ANKH: variants seen among roughly 807,000 people sequenced by gnomAD.
ANKH encodes the protein mineralization regulator ANKH.
A neutral mutation model predicts 49.0 loss-of-function variants in ANKH; 15 were observed. The observed-to-expected ratio is 0.31, with a 90% CI of 0.20 to 0.47. The LOEUF is 0.47. Among genes scored for constraint, ANKH ranks in the 20% least tolerant of loss-of-function variants. The probability of loss-of-function intolerance (pLI) is 1.00; values close to 1 mark genes in which losing one functional copy is unlikely to be tolerated. For synonymous variants in ANKH, 273 were observed against 260.0 expected, an observed-to-expected ratio of 1.05 and a Z score of -0.48; for missense variants, 429 against 652.0, an observed-to-expected ratio of 0.66 and a Z score of 3.72.
intron 2 of ANKH, among the ~76,000 whole-genome samples, chr5:14,766,397 A>G (rs895513979): frequency 5.9e-5 from 9 of 152,150 alleles, no homozygotes; most frequent in Non-Finnish European, 1.0e-4. Flanking sequence ...CTCTGTCTCA[A>G]AAACAAACAA....
chr5:14,760,194 A>T (rs964013278), intron 2 of ANKH, among the ~76,000 whole-genome samples: 1 of 152,190 alleles, frequency 6.6e-6, no homozygotes, highest in African/African-American at 2.4e-5. Context: ...GGCACCAAGA[A>T]GAGAAATCCA....
intron 1 of ANKH, among the ~76,000 whole-genome samples, chr5:14,808,701 T>C (rs1271046206): frequency 1.3e-5 from 2 of 149,770 alleles, no homozygotes; most frequent in African/African-American, 4.9e-5. Context: ...CTGGAGAGGA[T>C]GTGGAGAAAT....
chr5:14,747,743 A>G (rs1022397943), intron 6 of ANKH, among the ~76,000 whole-genome samples: 4 of 152,216 alleles, frequency 2.6e-5, no homozygotes, highest in Non-Finnish European at 5.9e-5. Flanking sequence ...AGGTTCCAGG[A>G]ACATGAGGCA....
chr5:14,735,485 A>T (rs1480211550), intron 8 of ANKH, among the ~76,000 whole-genome samples: 1 of 152,228 alleles, frequency 6.6e-6, no homozygotes, highest in Admixed American at 6.5e-5. Context: ...CCTTCCTTTC[A>T]GAAATCATAG....
At chr5:14,855,569 A>C (rs1043283655) in intron 1 of ANKH, among the ~76,000 whole-genome samples, 1 of 152,152 alleles carries the variant, frequency 6.6e-6, no homozygotes, top group African/African-American at 2.4e-5. Context: ...GTGTCAAAAC[A>C]CCATGGTGTG....
At chr5:14,738,851 T>C (rs1024481656) in intron 8 of ANKH, among the ~76,000 whole-genome samples, 5 of 152,172 alleles carry the variant, frequency 3.3e-5, no homozygotes, top group African/African-American at 7.2e-5. Flanking sequence ...AATGAGAAGA[T>C]TGCCATTCAC....
At chr5:14,807,313 C>T (rs1339796227) in intron 1 of ANKH, among the ~76,000 whole-genome samples, 1 of 152,054 alleles carries the variant, frequency 6.6e-6, no homozygotes, top group East Asian at 1.9e-4. Context: ...GGGGGTTTCA[C>T]CACGTTGGCC....
chr5:14,798,856 C>A (rs1740475577), intron 1 of ANKH, among the ~76,000 whole-genome samples: 1 of 152,124 alleles, frequency 6.6e-6, no homozygotes, highest in Non-Finnish European at 1.5e-5. Flanking sequence ...CAATTAATAA[C>A]CCTACAATGG....
chr5:14,709,467 G>A lies in ANKH; in HGVS notation c.*1730C>T, dbSNP rs1289491984. 1 of 152,174 alleles carries A rather than the reference G, an allele frequency of 6.6e-6. No individual in the cohort carries two copies. Among genetic ancestry groups the A allele is most frequent in the African/African-American group, 2.4e-5 (1 of 41,422 alleles). The allele number at this position is 152,174 out of a possible 1,614,324, so 9.4% of individuals were successfully genotyped here. On this transcript the variant is annotated 3_prime_UTR_variant, in exon 12 of 12. Coordinates refer to ENST00000284268, the MANE Select transcript of ANKH (RefSeq NM_054027.6). ...ACGTGGGCACACCCCATCAGCACTG[G>A]GTACCCAGGAATGTGAATGCAACCC... is the stretch of plus-strand genomic sequence containing the variant.
chr5:14,755,802 G>A lies in ANKH; in HGVS notation c.516+59C>T, dbSNP rs907712520. 2.0e-6 allele frequency: 3 copies of A among 1,495,616 alleles called. No individual in the cohort carries two copies. In the African/African-American group the frequency reaches 4.1e-5, roughly 21 times the overall value. 92.6% of individuals were successfully genotyped at this position (1,495,616 alleles called of 1,614,324 possible). A position where few individuals can be genotyped will look rare whatever the true frequency, so the allele number is the denominator to read the frequency against. On this transcript the variant is annotated intron_variant, in intron 4 of 11. Coordinates refer to ENST00000284268, the MANE Select transcript of ANKH (RefSeq NM_054027.6). Reference sequence around the variant, plus strand: ...GTGAATGAATATAAATCACACATCAGTTACACACGCCAGAAGGGGACTCTG... The same window carrying A: ...GTGAATGAATATAAATCACACATCAATTACACACGCCAGAAGGGGACTCTG...
chr5:14,851,420 G>A (rs1031682983), intron 1 of ANKH, among the ~76,000 whole-genome samples: 1 of 152,214 alleles, frequency 6.6e-6, no homozygotes, highest in African/African-American at 2.4e-5. Context: ...CATATCCCCT[G>A]GGGACAGCCC....
chr5:14,785,914 C>A (rs1477394718), intron 1 of ANKH, among the ~76,000 whole-genome samples: 1 of 151,722 alleles, frequency 6.6e-6, no homozygotes, highest in African/African-American at 2.4e-5. Flanking sequence ...GGCATGTTGG[C>A]AGGCGCCTGT....
chr5:14,839,523 AC>A (rs1741758268), intron 1 of ANKH, among the ~76,000 whole-genome samples: 2 of 149,362 alleles, frequency 1.3e-5, no homozygotes, highest in African/African-American at 5.0e-5. Context: ...AAAAAAAAAA[AC>A]CCACAGAGAT....
intron 1 of ANKH, chr5:14,788,009 T>C (rs1020146331): frequency 4.6e-5 from 7 of 152,230 alleles, no homozygotes; most frequent in East Asian, 1.9e-4. Context: ...TAAATCATGA[T>C]TGGTTTACAA....
intron 2 of ANKH, among the ~76,000 whole-genome samples, chr5:14,761,587 C>T (rs917982337): frequency 1.1e-4 from 17 of 151,680 alleles, no homozygotes; most frequent in Middle Eastern, 3.4e-3. Flanking sequence ...CATCTCACTC[C>T]CACCTTGAGT....
chr5:14,809,824 G>A (rs1468513105), intron 1 of ANKH, among the ~76,000 whole-genome samples: 1 of 151,876 alleles, frequency 6.6e-6, no homozygotes, highest in East Asian at 1.9e-4. Context: ...CAATAGGAGG[G>A]ATCCTTCCTC....
intron 1 of ANKH, among the ~76,000 whole-genome samples, chr5:14,802,814 C>T (rs549287362): frequency 6.6e-6 from 1 of 152,146 alleles, no homozygotes; most frequent in Non-Finnish European, 1.5e-5. Context: ...TCCCCACCCC[C>T]GTTCCTTCTC....
At position 14,725,516 on chromosome 5, in the gene ANKH, C is replaced by A. The variant is rs1383640760; in HGVS notation, c.1012-8681G>T. Among the ~76,000 whole-genome samples, 1 of 152,186 alleles carries A rather than the reference C, an allele frequency of 6.6e-6. No individual in the cohort carries two copies. The highest frequency in any genetic ancestry group is 1.9e-4 in the East Asian group (1 of 5,192). On this transcript the variant is annotated intron_variant, in intron 8 of 11. Transcript: ENST00000284268. This position sits in a 1 kb window ranked among gnomAD's most constrained non-coding sequence, Gnocchi z 4.0. ...AGACCTCTGGCACTCATCTGCAAAC[C>A]CCGAGCCTGCGAGCACTGCAGTTTG...
chr5:14,807,205 C>T (rs779236678), intron 1 of ANKH, among the ~76,000 whole-genome samples: 1 of 151,568 alleles, frequency 6.6e-6, no homozygotes, highest in Admixed American at 6.6e-5. Flanking sequence ...ACCTCCACCT[C>T]CCGGGCTCAA....
Sources: gnomAD v4.1 joint callset for allele counts (sites outside exome capture counted in the v4.1 genomes callset) on GRCh38, gnomAD v4.1.1 for gene constraint, Gnocchi (gnomAD v3.1) non-coding constraint, MANE v1.5 for transcripts, NCBI Gene and HGNC (gene_info 2026-07-23, HGNC 2026-07-21) for gene names.